APOLD1: variants seen among roughly 807,000 people sequenced by gnomAD.
APOLD1 encodes the protein apolipoprotein L domain containing 1, also known as apolipoprotein L domain-containing protein 1.
In APOLD1, 22 loss-of-function variants were observed where a neutral mutation model predicts 15.3. The observed-to-expected ratio is 1.44, with a 90% CI of 1.03 to 2.05. The LOEUF (loss-of-function observed/expected upper bound fraction) is 2.05, where lower values mean the gene tolerates loss of function less well. Ranked by LOEUF, APOLD1 falls within the 30% of genes most tolerant of loss-of-function variation. The pLI is 0.00. For synonymous variants in APOLD1, 190 were observed against 167.4 expected, an observed-to-expected ratio of 1.13 and a Z score of -1.04; for missense variants, 394 against 353.5, an observed-to-expected ratio of 1.11 and a Z score of -0.92.
At chr12:12,765,756 G>T (rs184591688) in intron 1 of APOLD1, among the ~76,000 whole-genome samples, 1 of 152,198 alleles carries the variant, frequency 6.6e-6, no homozygotes, top group Non-Finnish European at 1.5e-5. Context: ...TATAGTCCCA[G>T]CTTCTCAGGA....
chr12:12,764,650 G>T, intron 1 of APOLD1: 1 of 471,988 alleles, frequency 2.1e-6, no homozygotes, highest in East Asian at 6.3e-5. Context: ...TGATTTCTCG[G>T]TGAGTGCGTT....
intron 1 of APOLD1, among the ~76,000 whole-genome samples, chr12:12,733,344 CTTAATG>C (rs1266780566): frequency 3.9e-5 from 6 of 151,916 alleles, no homozygotes; most frequent in Non-Finnish European, 8.8e-5. Context: ...AGTTATATGG[CTTAATG>C]TTAAAGTTTC....
At chr12:12,779,662 G>T (rs1592308542) in intron 1 of APOLD1, among the ~76,000 whole-genome samples, 1 of 152,254 alleles carries the variant, frequency 6.6e-6, no homozygotes, top group East Asian at 1.9e-4. Flanking sequence ...TTATAACAGT[G>T]AAAAACCTGG....
chr12:12,764,819 A>G, intron 1 of APOLD1: 1 of 360,828 alleles, frequency 2.8e-6, no homozygotes, highest in East Asian at 7.2e-5. Flanking sequence ...AGGCCACAGC[A>G]TGGTATGGGG....
chr12:12,733,299 T>C (rs1211317858), intron 1 of APOLD1, among the ~76,000 whole-genome samples: 1 of 151,858 alleles, frequency 6.6e-6, no homozygotes, highest in Non-Finnish European at 1.5e-5. Context: ...CACTCCAGCC[T>C]GGGTGGCAGA....
At chr12:12,783,646 CT>C (rs983566508), upstream of APOLD1, among the ~76,000 whole-genome samples, 28 of 109,852 alleles carry the variant, frequency 2.5e-4, no homozygotes, top group South Asian at 3.2e-4. Flanking sequence ...TTTTTTTTTG[CT>C]TTTTTTTTGA....
chr12:12,750,365 T>A (rs1390667376), intron 1 of APOLD1, among the ~76,000 whole-genome samples: 2 of 100,590 alleles, frequency 2.0e-5, no homozygotes, highest in African/African-American at 7.9e-5. Flanking sequence ...AGAGTGAGAC[T>A]CTGTCTCAAA....
chr12:12,775,168 C>A (rs1947021950), intron 1 of APOLD1, among the ~76,000 whole-genome samples: 1 of 152,160 alleles, frequency 6.6e-6, no homozygotes, highest in African/African-American at 2.4e-5. Flanking sequence ...AATTTAAGTG[C>A]ATGTCTGTAA....
At chr12:12,760,385 C>T (rs1946888933) in intron 1 of APOLD1, among the ~76,000 whole-genome samples, 1 of 151,892 alleles carries the variant, frequency 6.6e-6, no homozygotes, top group Non-Finnish European at 1.5e-5. Context: ...CGCCTGTAAT[C>T]CCAGCAGTTT....
intron 1 of APOLD1, chr12:12,771,588 A>G: frequency 1.9e-6 from 1 of 520,230 alleles, no homozygotes; most frequent in Admixed American, 2.0e-5. Flanking sequence ...GATGGAGGAA[A>G]TGGCATCGAG....
chr12:12,756,352 C>T (rs117926672), intron 1 of APOLD1, among the ~76,000 whole-genome samples: 2,158 of 152,298 alleles, frequency 0.014, 37 homozygotes, highest in Non-Finnish European at 0.022. Flanking sequence ...TCTGCTGCTC[C>T]GCATGCCTCT....
intron 1 of APOLD1, among the ~76,000 whole-genome samples, chr12:12,775,790 A>G (rs1016514891): frequency 2.0e-5 from 3 of 152,298 alleles, no homozygotes; most frequent in African/African-American, 4.8e-5. Context: ...GCTTGAGACC[A>G]GGAGTTCATG....
At chr12:12,768,456 GT>G (rs1307731827) in intron 1 of APOLD1, among the ~76,000 whole-genome samples, 3 of 151,914 alleles carry the variant, frequency 2.0e-5, no homozygotes, top group East Asian at 3.9e-4. Context: ...AACCTAGGGA[GT>G]CCCAATCTCT....
intron 1 of APOLD1, among the ~76,000 whole-genome samples, chr12:12,768,370 T>C: frequency 6.6e-6 from 1 of 152,062 alleles, no homozygotes; most frequent in Non-Finnish European, 1.5e-5. Flanking sequence ...CAGTGGCTCA[T>C]GCCTGTAATC....
intron 1 of APOLD1, among the ~76,000 whole-genome samples, chr12:12,734,981 T>C (rs1946672726): frequency 6.6e-6 from 1 of 152,216 alleles, no homozygotes; most frequent in African/African-American, 2.4e-5. Flanking sequence ...TTCTGCTTCA[T>C]GCTGTAGCAG....
intron 1 of APOLD1, among the ~76,000 whole-genome samples, chr12:12,753,420 C>T (rs1160665274): frequency 6.6e-6 from 1 of 152,144 alleles, no homozygotes; most frequent in African/African-American, 2.4e-5. Context: ...AATCCCAAAA[C>T]TTTGGGAGGC....
intron 1 of APOLD1, among the ~76,000 whole-genome samples, chr12:12,740,130 T>A (rs1946720367): frequency 6.6e-6 from 1 of 152,088 alleles, no homozygotes. Flanking sequence ...TACAGGTGCG[T>A]GCCACTACGC....
chr12:12,788,727 G>A lies in APOLD1; in HGVS notation c.*1075G>A, dbSNP rs936043545. 8 of 152,274 alleles carry A rather than the reference G, an allele frequency of 5.3e-5. No individual in the cohort carries two copies. Among genetic ancestry groups the A allele is most frequent in the South Asian group, 2.1e-4 (1 of 4,822 alleles). 9.4% of individuals were successfully genotyped at this position (152,274 alleles called of 1,614,324 possible). On this transcript the variant is annotated 3_prime_UTR_variant, in exon 2 of 2. Coordinates refer to ENST00000356591, the MANE Select transcript of APOLD1 (RefSeq NM_030817.3). The stretch of plus-strand genomic sequence containing the variant: ...ACCTGAGTTTAAACAATTTCTCTGG[G>A]TGGTTCTGCGGCACACTAAGGTTTG...
chr12:12,745,720 T>C (rs1037232310), intron 1 of APOLD1, among the ~76,000 whole-genome samples: 8 of 152,108 alleles, frequency 5.3e-5, no homozygotes, highest in South Asian at 2.1e-4. Flanking sequence ...AGTGCTGAGA[T>C]TGGCCTCAAG....
Sources: gnomAD v4.1 joint callset for allele counts (sites outside exome capture counted in the v4.1 genomes callset) on GRCh38, gnomAD v4.1.1 for gene constraint, MANE v1.5 for transcripts, NCBI Gene and HGNC (gene_info 2026-07-23, HGNC 2026-07-21) for gene names.